PPP2R5A: variants seen among roughly 807,000 people sequenced by gnomAD.
The protein encoded by PPP2R5A is serine/threonine-protein phosphatase 2A 56 kDa regulatory subunit alpha isoform.
In PPP2R5A, 25 loss-of-function variants were observed where a neutral mutation model predicts 64.2. The ratio of observed to expected loss-of-function variants is 0.39; its 90% CI spans 0.28 to 0.54. The LOEUF is 0.54. PPP2R5A is among the 20% of genes least tolerant of loss of function. PPP2R5A has a pLI of 0.67. For missense variants in PPP2R5A, 425 were observed against 576.3 expected, an observed-to-expected ratio of 0.74 and a Z score of 2.69; for synonymous variants, 198 against 201.2, an observed-to-expected ratio of 0.98 and a Z score of 0.13.
At chr1:212,341,204 A>C (rs1188998879) in intron 3 of PPP2R5A, among the ~76,000 whole-genome samples, 6 of 152,148 alleles carry the variant, frequency 3.9e-5, no homozygotes, top group Non-Finnish European at 5.9e-5. Flanking sequence ...GCAAGTGAAC[A>C]TTTGCTATTA....
At chr1:212,302,393 A>G (rs1244454202) in intron 1 of PPP2R5A, among the ~76,000 whole-genome samples, 1 of 152,210 alleles carries the variant, frequency 6.6e-6, no homozygotes, top group Non-Finnish European at 1.5e-5. Context: ...ATTTAGTATT[A>G]TAAGTTATAG....
chr1:212,356,734 A>G (rs963625849), intron 9 of PPP2R5A, 58 bp downstream of exon 9: 26 of 1,550,012 alleles, frequency 1.7e-5, no homozygotes, highest in Non-Finnish European at 2.0e-5. Context: ...TCCCAGGGCT[A>G]TAAACCATGC....
At chr1:212,307,114 A>G (rs1312145241) in intron 1 of PPP2R5A, among the ~76,000 whole-genome samples, 1 of 152,026 alleles carries the variant, frequency 6.6e-6, no homozygotes, top group Non-Finnish European at 1.5e-5. Flanking sequence ...TATGCCTGCC[A>G]TTTTACTTTC....
chr1:212,346,068 C>G, intron 5 of PPP2R5A, 135 bp downstream of exon 5: 1 of 848,994 alleles, frequency 1.2e-6, no homozygotes, highest in Non-Finnish European at 1.7e-6. Context: ...GTGGTGAGAA[C>G]ATAGCTCATT....
At chr1:212,286,438 C>T (rs1409406827) in intron 1 of PPP2R5A, 147 bp downstream of exon 1, 1 of 854,052 alleles carries the variant, frequency 1.2e-6, no homozygotes, top group Non-Finnish European at 1.6e-6. Context: ...GCCTTGGCGT[C>T]ACCTCACGCC....
At chr1:212,306,183 C>T (rs553723183) in intron 1 of PPP2R5A, among the ~76,000 whole-genome samples, 9 of 151,666 alleles carry the variant, frequency 5.9e-5, no homozygotes, top group African/African-American at 1.9e-4. Flanking sequence ...AGGGTGGGCA[C>T]GTAAAGGAAA....
chr1:212,347,451 T>C (rs115167362), intron 6 of PPP2R5A, 45 bp downstream of exon 6: 28,259 of 1,385,084 alleles, frequency 0.02, 406 homozygotes, highest in African/African-American at 0.071. Context: ...AGTAAGTGAA[T>C]GTTTTATGTA....
intron 1 of PPP2R5A, among the ~76,000 whole-genome samples, chr1:212,327,980 A>G (rs887681486): frequency 3.3e-5 from 5 of 152,044 alleles, no homozygotes; most frequent in Non-Finnish European, 5.9e-5. Context: ...ATGCCCGGAT[A>G]ATTTTTGTAT....
intron 8 of PPP2R5A, 38 bp downstream of exon 8, chr1:212,349,280 T>C: frequency 2.8e-6 from 4 of 1,451,246 alleles, no homozygotes; most frequent in Non-Finnish European, 3.8e-6. Context: ...TTGGTCTGCA[T>C]TAATAGCATT....
At chr1:212,317,548 C>G (rs1377648017) in intron 1 of PPP2R5A, among the ~76,000 whole-genome samples, 1 of 152,048 alleles carries the variant, frequency 6.6e-6, no homozygotes. Context: ...TTACATACTT[C>G]CATGACATAA....
At chr1:212,336,345 C>T (rs1659594062) in intron 3 of PPP2R5A, among the ~76,000 whole-genome samples, 1 of 152,032 alleles carries the variant, frequency 6.6e-6, no homozygotes, top group South Asian at 2.1e-4. Context: ...CGAACTCAGA[C>T]CTCAAGTGAT....
At chr1:212,327,305 C>T (rs1571596215) in intron 1 of PPP2R5A, among the ~76,000 whole-genome samples, 1 of 152,046 alleles carries the variant, frequency 6.6e-6, no homozygotes, top group Admixed American at 6.5e-5. Flanking sequence ...AATGAAAGTT[C>T]GGAAGTGAAG....
At chr1:212,360,317 C>T (rs1660056954) in intron 12 of PPP2R5A, among the ~76,000 whole-genome samples, 1 of 152,192 alleles carries the variant, frequency 6.6e-6, no homozygotes, top group South Asian at 2.1e-4. Context: ...TAGACTACTA[C>T]AACTGCAAGA....
rs561026800 is a variant in PPP2R5A at position 212,285,692 on chromosome 1, G to T, written c.-419G>T. ...AGGGCGGGCTGCGCTGGCAGCGGCCGCTGAGGTGCTGGCCGGCCGGCTGGC... is the reference window on the plus strand; with the variant it reads ...AGGGCGGGCTGCGCTGGCAGCGGCCTCTGAGGTGCTGGCCGGCCGGCTGGC... On this transcript the variant is annotated 5_prime_UTR_variant, in exon 1 of 13. Transcript: ENST00000261461. The T allele has an allele frequency of 1.3e-3, 205 of 157,540 alleles. No individual in the cohort carries two copies. Among genetic ancestry groups the T allele is most frequent in the African/African-American group, 4.2e-3 (177 of 41,778 alleles). 9.8% of individuals were successfully genotyped at this position (157,540 alleles called of 1,614,324 possible). A position where few individuals can be genotyped will look rare whatever the true frequency, so the allele number is the denominator to read the frequency against.
chr1:212,324,187 G>C (rs1659366726), intron 1 of PPP2R5A, among the ~76,000 whole-genome samples: 1 of 152,172 alleles, frequency 6.6e-6, no homozygotes, highest in Non-Finnish European at 1.5e-5. Flanking sequence ...GAACATCATA[G>C]AGTATACTTC....
chr1:212,352,305 A>AC (rs1659900200), intron 8 of PPP2R5A, among the ~76,000 whole-genome samples: 1 of 151,826 alleles, frequency 6.6e-6, no homozygotes, highest in Non-Finnish European at 1.5e-5. Flanking sequence ...CTAGGATTAC[A>AC]GTTGTAAGCC....
chr1:212,303,865 A>G (rs957257425), intron 1 of PPP2R5A, among the ~76,000 whole-genome samples: 1 of 152,156 alleles, frequency 6.6e-6, no homozygotes, highest in African/African-American at 2.4e-5. Context: ...TGGATTCTCA[A>G]TTCTATCCCA....
At chr1:212,302,221 C>T (rs1658810792) in intron 1 of PPP2R5A, 2 of 834,724 alleles carry the variant, frequency 2.4e-6, no homozygotes, top group African/African-American at 3.5e-5. Flanking sequence ...CAGGGGAAAA[C>T]TACAAATTAT....
intron 8 of PPP2R5A, chr1:212,352,936 T>G (rs1327526570): frequency 1.9e-6 from 1 of 518,744 alleles, no homozygotes; most frequent in Non-Finnish European, 3.8e-6. Flanking sequence ...TGCAAGATTT[T>G]GGGAAAATAC....
Sources: allele counts gnomAD v4.1 joint callset (sites outside exome capture counted in the v4.1 genomes callset), GRCh38; gene constraint gnomAD v4.1.1; transcripts MANE v1.5; gene names NCBI Gene and HGNC (gene_info 2026-07-23, HGNC 2026-07-21).